RAB11FIP1: variants seen among roughly 807,000 people sequenced by gnomAD.
RAB11FIP1 encodes the protein RAB11 family interacting protein 1.
Under a neutral mutation model 83.1 loss-of-function variants are expected in RAB11FIP1, and 49 were observed. That is an observed-to-expected ratio of 0.59 (90% CI 0.47 to 0.75). The LOEUF (loss-of-function observed/expected upper bound fraction) is 0.75. RAB11FIP1 is among the 30% of genes least tolerant of loss of function. The pLI is 0.00. For synonymous variants in RAB11FIP1, 670 were observed against 656.0 expected (o/e 1.02, Z -0.33); for missense variants, 1,536 against 1,598.7 (o/e 0.96, Z 0.67).
chr8:37,862,667 T>C lies in RAB11FIP1; in HGVS notation c.*228A>G, dbSNP rs1210154936. The C allele has an allele frequency of 4.2e-6, 2 of 476,020 alleles. No individual in the cohort carries two copies. The highest frequency in any genetic ancestry group is 7.1e-5 in the Admixed American group (2 of 28,298). The allele number at this position is 476,020 out of a possible 1,614,324, so 29.5% of individuals were successfully genotyped here. A position where few individuals can be genotyped will look rare whatever the true frequency, so the allele number is the denominator to read the frequency against. ...GGGCATAAAATATTTACAACCTTGT[T>C]AAAGGCACAGTGGCATTTAAAACTA... On this transcript the variant is annotated 3_prime_UTR_variant, in exon 6 of 6. Transcript: ENST00000330843.
At chr8:37,873,422 T>C (rs1806528116) in intron 3 of RAB11FIP1, 7 of 412,312 alleles carry the variant, frequency 1.7e-5, no homozygotes, top group Non-Finnish European at 2.6e-5. Flanking sequence ...CCAGCCAACA[T>C]GGTGAAACCT....
At chr8:37,893,076 CTTT>C (rs1167070715) in intron 1 of RAB11FIP1, among the ~76,000 whole-genome samples, 6 of 138,094 alleles carry the variant, frequency 4.3e-5, no homozygotes, top group African/African-American at 8.0e-5. Context: ...GTTCTTTTTT[CTTT>C]TTTTTTTTTT....
chr8:37,873,289 G>A (rs1038079853), intron 3 of RAB11FIP1, 110 bp from the exon 4 acceptor site: 25 of 1,225,794 alleles, frequency 2.0e-5, no homozygotes, highest in Non-Finnish European at 2.7e-5. Flanking sequence ...TTTACACGTG[G>A]GGCAGTACCT....
At position 37,872,157 on chromosome 8, in the gene RAB11FIP1, G is replaced by T. The variant is rs1369820329; in HGVS notation, c.2645C>A (p.Ala882Glu). 1.9e-6 allele frequency: 3 copies of T among 1,613,826 alleles called. No homozygotes were observed. The highest frequency in any genetic ancestry group is 2.5e-6 in the Non-Finnish European group (3 of 1,179,932). The change falls in exon 4 of 6, where the codon GCG becomes GAG. Residue 882 changes from alanine (A) to glutamate (E), a missense_variant. By Grantham distance (107) the Ala-to-Glu change is moderately radical. Transcript: ENST00000330843. Reference protein sequence around the residue: ...PATCGAPASPADHLLLPSQEE... With the variant: ...PATCGAPASPEDHLLLPSQEE... Reference sequence around the variant, plus strand: ...CTGGGAGGGGAGGAGGAGGTGATCCGCTGGGGAGGCTGGCGCACCACACGT... The same window carrying T: ...CTGGGAGGGGAGGAGGAGGTGATCCTCTGGGGAGGCTGGCGCACCACACGT...
chr8:37,860,864 T>C lies in RAB11FIP1; in HGVS notation c.*2031A>G, dbSNP rs956133909. 1 of 152,688 alleles carries C rather than the reference T, an allele frequency of 6.5e-6. No homozygotes were observed. The allele number at this position is 152,688 out of a possible 1,614,324, so 9.5% of individuals were successfully genotyped here. On this transcript the variant is annotated 3_prime_UTR_variant, in exon 6 of 6. Coordinates refer to ENST00000330843, the MANE Select transcript of RAB11FIP1 (RefSeq NM_001002814.3). ...CATCCTTCAGATTAAAGTGCTCTGATATAACCAATGCCACAGCAAACGAAA... is the reference window on the plus strand; with the variant it reads ...CATCCTTCAGATTAAAGTGCTCTGACATAACCAATGCCACAGCAAACGAAA...
chr8:37,891,781 A>G (rs1411881805), intron 1 of RAB11FIP1, among the ~76,000 whole-genome samples: 1 of 152,118 alleles, frequency 6.6e-6, no homozygotes, highest in Non-Finnish European at 1.5e-5. Context: ...AATGTTATAT[A>G]TTATGTTCTC....
chr8:37,871,386 A>C lies in RAB11FIP1; in HGVS notation c.3416T>G (p.Val1139Gly). 1 of 1,613,646 alleles carries C rather than the reference A, an allele frequency of 6.2e-7. No homozygotes were observed. Among genetic ancestry groups the C allele is most frequent in the Middle Eastern group, 1.7e-4 (1 of 6,060 alleles). Reference sequence around the variant, plus strand: ...TGGCTTCCTCTTGCCAAAATTTTCAACTCTACCAGCGGAGCCCTCTGCTGT... The same window carrying C: ...TGGCTTCCTCTTGCCAAAATTTTCACCTCTACCAGCGGAGCCCTCTGCTGT... ...KATAEGSAGR[V>G]ENFGKRKPLL... The change falls in exon 4 of 6, where the codon GTT (valine) becomes GGT (glycine). Residue 1139 changes from valine (V) to glycine (G), a missense_variant. Coordinates refer to ENST00000330843, the MANE Select transcript of RAB11FIP1 (RefSeq NM_001002814.3).
chr8:37,889,721 A>C (rs926024064), intron 1 of RAB11FIP1, among the ~76,000 whole-genome samples: 1 of 152,214 alleles, frequency 6.6e-6, no homozygotes, highest in Admixed American at 6.5e-5. Context: ...CTGGCAAGGA[A>C]GCAGAGTATC....
chr8:37,861,490 A>G lies in RAB11FIP1; in HGVS notation c.*1405T>C. On this transcript the variant is annotated 3_prime_UTR_variant, in exon 6 of 6. Coordinates refer to ENST00000330843, the MANE Select transcript of RAB11FIP1 (RefSeq NM_001002814.3). ...AGGACAGACATGCAGATGCAGTTCAATCCCTTTGGGGTCCAATCCATGGTC... is the reference window on the plus strand; with the variant it reads ...AGGACAGACATGCAGATGCAGTTCAGTCCCTTTGGGGTCCAATCCATGGTC... 2.4e-6 allele frequency: 1 copy of G among 418,758 alleles called. No homozygotes were observed. The highest frequency in any genetic ancestry group is 4.6e-6 in the Non-Finnish European group (1 of 217,746). The allele number at this position is 418,758 out of a possible 1,614,324, so 25.9% of individuals were successfully genotyped here.
At chr8:37,873,510 G>T (rs929344038) in intron 3 of RAB11FIP1, among the ~76,000 whole-genome samples, 1 of 152,112 alleles carries the variant, frequency 6.6e-6, no homozygotes, top group African/African-American at 2.4e-5. Context: ...GGAGGCTGAG[G>T]CAGGAGAACT....
rs1362914436 is a variant in RAB11FIP1, at chr8:37,877,219, A to G, written c.704T>C (p.Met235Thr). The change falls in exon 2 of 6, where the codon ATG (methionine) becomes ACG (threonine). Residue 235 changes from methionine to threonine, a missense_variant. Coordinates refer to ENST00000330843, the MANE Select transcript of RAB11FIP1 (RefSeq NM_001002814.3). ...NLQKTPLSQS[M>T]SVLPTSKPEK... ...TGGCTTTGAAGTCGGCAGGACAGACATGGACTGGGAAAGAGGCGTCTTCTG... is the reference window on the plus strand; with the variant it reads ...TGGCTTTGAAGTCGGCAGGACAGACGTGGACTGGGAAAGAGGCGTCTTCTG... 1 of 1,614,144 alleles carries G rather than the reference A, an allele frequency of 6.2e-7. No individual in the cohort carries two copies. The highest frequency in any genetic ancestry group is 1.1e-5 in the South Asian group (1 of 91,084).
rs1266631548 is a variant in RAB11FIP1 at position 37,872,522 on chromosome 8, C to A, written c.2280G>T (p.Val760=). 6.2e-7 allele frequency: 1 copy of A among 1,614,190 alleles called. No individual in the cohort carries two copies. ...CAGCTGCATCCCTGGCTTTGCTCTC[C>A]ACAAGAGACCCAGCCTGACTCTCCA... ...RDLESQAGSL[V]ESKARDAAEE... Residue 760 remains valine (V), a synonymous_variant, in exon 4 of 6, where the codon GTG becomes GTT. Coordinates refer to ENST00000330843, the MANE Select transcript of RAB11FIP1 (RefSeq NM_001002814.3).
chr8:37,877,407 C>A lies in RAB11FIP1; in HGVS notation c.516G>T (p.Lys172Asn). Residue 172 changes from lysine (K) to asparagine (N), a missense_variant, in exon 2 of 6, where the codon AAG becomes AAT. Physicochemically the swap from Lys to Asn is moderately conservative, Grantham distance 94. Coordinates refer to ENST00000330843, the MANE Select transcript of RAB11FIP1 (RefSeq NM_001002814.3). ...MKDKSRNPFGKLKDKIKGKNK... is the reference protein window; with the variant it reads ...MKDKSRNPFGNLKDKIKGKNK... ...TCTTCCCCTTGATCTTGTCCTTCAG[C>A]TTTCCAAATGGATTCCGAGACTTGT... The A allele has an allele frequency of 6.2e-7, 1 of 1,614,182 alleles. No individual in the cohort carries two copies. The highest frequency in any genetic ancestry group is 1.1e-5 in the South Asian group (1 of 91,084).
At chr8:37,892,863 T>C (rs1806977708) in intron 1 of RAB11FIP1, among the ~76,000 whole-genome samples, 1 of 152,212 alleles carries the variant, frequency 6.6e-6, no homozygotes, top group South Asian at 2.1e-4. Context: ...CTCAGGGCCT[T>C]TGCACAGGCT....
chr8:37,895,218 A>AATAAATATATAT (rs1381872486), intron 1 of RAB11FIP1, among the ~76,000 whole-genome samples: 1 of 13,704 alleles, frequency 7.3e-5, no homozygotes, highest in Non-Finnish European at 1.4e-4. Flanking sequence ...GGTGCCTGCC[A>AATAAATATATAT]ATATATATAT....
intron 1 of RAB11FIP1, among the ~76,000 whole-genome samples, chr8:37,894,733 T>C (rs1003662133): frequency 6.8e-6 from 1 of 147,654 alleles, no homozygotes; most frequent in Non-Finnish European, 1.5e-5. Context: ...CATATATATA[T>C]ATATATACAC....
Position 37,872,322 on chromosome 8 carries a change from A to C in RAB11FIP1, c.2480T>G (p.Leu827Arg). The change falls in exon 4 of 6, where the codon CTG (leucine) becomes CGG (arginine). Residue 827 changes from leucine (L) to arginine (R), a missense_variant. Transcript: ENST00000330843. ...TEEAVAGAAL[L>R]VEGHSSCPQE... is the part of the protein sequence containing the mutation. ...GGGACAACTGCTGTGTCCTTCCACCAGCAAGGCAGCCCCCGCCACTGCCTC... is the reference window on the plus strand; with the variant it reads ...GGGACAACTGCTGTGTCCTTCCACCCGCAAGGCAGCCCCCGCCACTGCCTC... The C allele has an allele frequency of 6.2e-7, 1 of 1,614,084 alleles. No homozygotes were observed. The highest frequency in any genetic ancestry group is 8.5e-7 in the Non-Finnish European group (1 of 1,179,990).
At chr8:37,865,085 G>GAA (rs1035784011) in intron 5 of RAB11FIP1, among the ~76,000 whole-genome samples, 2 of 151,474 alleles carry the variant, frequency 1.3e-5, no homozygotes, top group Non-Finnish European at 2.9e-5. Context: ...TTTATATCAA[G>GAA]AAAAAAGAGT....
At position 37,875,231 on chromosome 8, in the gene RAB11FIP1, A is replaced by T; in HGVS notation, c.906T>A (p.Leu302=). ...CATCATTCTTAGACCGAAGGCCACC[A>T]AGAAAGGAAAGTCCTTCCTTCTTGG... The part of the protein sequence containing the change: ...TLPKKEGLSF[L]GGLRSKNDVL... Residue 302 remains leucine, a synonymous_variant, in exon 3 of 6, where the codon CTT becomes CTA. Coordinates refer to ENST00000330843, the MANE Select transcript of RAB11FIP1 (RefSeq NM_001002814.3). 1.9e-6 allele frequency: 3 copies of T among 1,614,110 alleles called. No homozygotes were observed. Among genetic ancestry groups the T allele is most frequent in the Non-Finnish European group, 2.5e-6 (3 of 1,180,008 alleles).
Sources: gnomAD v4.1 joint callset for allele counts (sites outside exome capture counted in the v4.1 genomes callset) on GRCh38, gnomAD v4.1.1 for gene constraint, MANE v1.5 for transcripts, NCBI Gene and HGNC (gene_info 2026-07-23, HGNC 2026-07-21) for gene names.